Variants in EYA4 observed in about 807,000 individuals in gnomAD.
EYA4 encodes EYA transcriptional coactivator and phosphatase 4.
A neutral mutation model predicts 87.9 loss-of-function variants in EYA4; 31 were observed. The ratio of observed to expected loss-of-function variants is 0.35; its 90% CI spans 0.27 to 0.48. EYA4 has a LOEUF of 0.48. Ranked by LOEUF, EYA4 falls within the 20% of genes least tolerant of loss-of-function variation. The pLI, the probability that EYA4 is intolerant of heterozygous loss-of-function variation, is 0.99. For synonymous variants in EYA4, 263 were observed against 270.6 expected (o/e 0.97, Z 0.28); for missense variants, 678 against 761.4 (o/e 0.89, Z 1.29).
At chr6:133,347,191 C>G (rs917901274) in intron 2 of EYA4, among the ~76,000 whole-genome samples, 2 of 152,172 alleles carry the variant, frequency 1.3e-5, no homozygotes, top group Admixed American at 1.3e-4. Context: ...ATATCCTTTT[C>G]ATATCTAAAT....
intron 5 of EYA4, among the ~76,000 whole-genome samples, chr6:133,456,306 T>C (rs530142920): frequency 6.6e-6 from 1 of 152,302 alleles, no homozygotes; most frequent in African/African-American, 2.4e-5. Context: ...ATATGTGTAC[T>C]GCTGTTTCAC....
At chr6:133,312,875 C>G (rs974889479) in intron 2 of EYA4, among the ~76,000 whole-genome samples, 2 of 151,824 alleles carry the variant, frequency 1.3e-5, no homozygotes, top group Non-Finnish European at 2.9e-5. Flanking sequence ...GGCTATATTT[C>G]ACTTTCAGAA....
chr6:133,269,516 T>C (rs1273915772), intron 1 of EYA4, among the ~76,000 whole-genome samples: 3 of 132 alleles, frequency 0.023, no homozygotes, highest in African/African-American at 0.071. Flanking sequence ...TCTGTGTCTC[T>C]GTTATATATG....
chr6:133,492,512 A>G (rs1797273773), intron 13 of EYA4, among the ~76,000 whole-genome samples: 1 of 152,228 alleles, frequency 6.6e-6, no homozygotes, highest in Non-Finnish European at 1.5e-5. Flanking sequence ...CAGAAGGGGG[A>G]AAAATTGAAA....
chr6:133,289,020 G>T (rs1411544111), intron 2 of EYA4, among the ~76,000 whole-genome samples: 1 of 152,200 alleles, frequency 6.6e-6, no homozygotes, highest in Non-Finnish European at 1.5e-5. Context: ...GAGAAAGTTT[G>T]TAAGTTTAAA....
intron 1 of EYA4, among the ~76,000 whole-genome samples, chr6:133,267,531 C>T (rs147840355): frequency 0.02 from 3,024 of 151,932 alleles, 98 homozygotes; most frequent in African/African-American, 0.069. Flanking sequence ...TACAGGCGCC[C>T]GCCACCATGC....
chr6:133,460,885 G>T (rs1420744527), intron 6 of EYA4, among the ~76,000 whole-genome samples: 2 of 152,118 alleles, frequency 1.3e-5, no homozygotes, highest in Admixed American at 6.6e-5. Flanking sequence ...GAAACTGGAA[G>T]AATGACAGAG....
chr6:133,451,817 A>G (rs1180008942), intron 5 of EYA4, among the ~76,000 whole-genome samples: 1 of 152,200 alleles, frequency 6.6e-6, no homozygotes, highest in Non-Finnish European at 1.5e-5. Flanking sequence ...GATCAGCTTT[A>G]GTGTTTTTTT....
At chr6:133,386,000 A>G (rs1474302318) in intron 3 of EYA4, among the ~76,000 whole-genome samples, 1 of 152,052 alleles carries the variant, frequency 6.6e-6, no homozygotes, top group Non-Finnish European at 1.5e-5. Context: ...GTGGAAAGGG[A>G]TGTGATGTGC....
chr6:133,424,648 G>A (rs1490106838), intron 3 of EYA4, among the ~76,000 whole-genome samples: 1 of 142,228 alleles, frequency 7.0e-6, no homozygotes, highest in Non-Finnish European at 1.5e-5. Context: ...CTTGGAAGGG[G>A]CGGGACTCCT....
intron 2 of EYA4, among the ~76,000 whole-genome samples, chr6:133,317,385 G>A (rs916314679): frequency 2.6e-5 from 4 of 152,246 alleles, no homozygotes; most frequent in Admixed American, 2.6e-4. Context: ...TGAGTTTTCA[G>A]TAACAAACCC....
chr6:133,528,059 A>G (rs1455625010), intron 19 of EYA4, among the ~76,000 whole-genome samples: 1 of 152,180 alleles, frequency 6.6e-6, no homozygotes, highest in African/African-American at 2.4e-5. Context: ...CTGCCCCACA[A>G]GAGCTCATTT....
rs151214722 is a variant in EYA4, at chr6:133,296,485, GT to G, written c.33+21674del. 8.5e-3 allele frequency among the ~76,000 whole-genome samples: 1,288 copies of G among 152,250 alleles called. 21 individuals are homozygous for G. Among genetic ancestry groups the G allele is most frequent in the African/African-American group, 0.029 (1,199 of 41,534 alleles). On this transcript the variant is annotated intron_variant, in intron 2 of 19. Transcript: ENST00000355286. Reference sequence around the variant, plus strand: ...AGATGATGGTGGTGGCTTGAGTTGGGTTGTACTTGTGGAAGTAATGAGGAGT... The same window carrying G: ...AGATGATGGTGGTGGCTTGAGTTGGGTGTACTTGTGGAAGTAATGAGGAGT...
chr6:133,530,042 G>A lies in EYA4; in HGVS notation c.*1237G>A, dbSNP rs374052557. On this transcript the variant is annotated 3_prime_UTR_variant, in exon 20 of 20. Coordinates refer to ENST00000355286, the MANE Select transcript of EYA4 (RefSeq NM_004100.5). ...TTATTCCCAATGCCATGGCAAAAAT[G>A]ATAATATCATCAGAAATGGAAGGCA... The A allele has an allele frequency of 1.6e-5, 16 of 985,170 alleles. No individual in the cohort carries two copies. The East Asian group carries it at 3.4e-4, about 21-fold the overall frequency. The allele number at this position is 985,170 out of a possible 1,614,324, so 61.0% of individuals were successfully genotyped here. A position where few individuals can be genotyped will look rare whatever the true frequency, so the allele number is the denominator to read the frequency against.
chr6:133,463,480 C>A (rs1272184275), intron 9 of EYA4, among the ~76,000 whole-genome samples: 1 of 151,550 alleles, frequency 6.6e-6, no homozygotes, highest in East Asian at 1.9e-4. Context: ...CCTGCCTCAG[C>A]CTCCTGAGTA....
At chr6:133,398,491 C>G (rs567815647) in intron 3 of EYA4, among the ~76,000 whole-genome samples, 1 of 152,206 alleles carries the variant, frequency 6.6e-6, no homozygotes, top group Non-Finnish European at 1.5e-5. Context: ...TTTAAAGAGT[C>G]TGATTTTTTT....
rs1165305985 is a variant in EYA4 at position 133,316,366 on chromosome 6, G to T, written c.33+41553G>T. Among the ~76,000 whole-genome samples, 5 of 152,126 alleles carry T rather than the reference G, an allele frequency of 3.3e-5. No homozygotes were observed. In the East Asian group the frequency reaches 9.7e-4, roughly 29 times the overall value. ...TCCCCAAGGTAAAAATCTGACAGTT[G>T]TACTTACATAATAGTTACATAATCA... is the stretch of plus-strand genomic sequence containing the variant. On this transcript the variant is annotated intron_variant, in intron 2 of 19. Coordinates refer to ENST00000355286, the MANE Select transcript of EYA4 (RefSeq NM_004100.5).
intron 2 of EYA4, among the ~76,000 whole-genome samples, chr6:133,375,510 T>C (rs1583100748): frequency 6.6e-6 from 1 of 151,840 alleles, no homozygotes. Flanking sequence ...ATTCCTGAGG[T>C]ATGTAATAGG....
chr6:133,485,388 G>T (rs772245766), intron 13 of EYA4, among the ~76,000 whole-genome samples: 8 of 152,138 alleles, frequency 5.3e-5, no homozygotes, highest in Non-Finnish European at 1.2e-4. Context: ...TGATGCGCCA[G>T]GCAGGAAGCA....
Sources: allele counts gnomAD v4.1 joint callset (sites outside exome capture counted in the v4.1 genomes callset), GRCh38; gene constraint gnomAD v4.1.1; transcripts MANE v1.5; gene names NCBI Gene and HGNC (gene_info 2026-07-23, HGNC 2026-07-21).